The following CCDC6 variants were observed in gnomAD, a reference collection of about 807,000 sequenced individuals.
The protein encoded by CCDC6 is coiled-coil domain-containing protein 6.
CCDC6 carries 20 observed loss-of-function variants against 56.6 expected under a neutral mutation model. That is an observed-to-expected ratio of 0.35 (90% CI 0.25 to 0.51). The LOEUF is 0.51. Ranked by LOEUF, CCDC6 falls within the 20% of genes least tolerant of loss-of-function variation. The pLI is 0.95. For synonymous variants in CCDC6, 241 were observed against 234.4 expected (o/e 1.03, Z -0.26); for missense variants, 367 against 601.1 (o/e 0.61, Z 4.07).
At chr10:59,869,404 A>AC (rs2071206837) in intron 1 of CCDC6, among the ~76,000 whole-genome samples, 4 of 95,072 alleles carry the variant, frequency 4.2e-5, no homozygotes, top group South Asian at 7.3e-4. Flanking sequence ...AAAAAAAAAA[A>AC]AAAAAAAAAA....
chr10:59,881,380 TG>T (rs1423481646), intron 1 of CCDC6, among the ~76,000 whole-genome samples: 1 of 151,980 alleles, frequency 6.6e-6, no homozygotes, highest in African/African-American at 2.4e-5. Flanking sequence ...AAAAAGAAAC[TG>T]TTGGGGCTTC....
chr10:59,903,380 C>T (rs746739916), intron 1 of CCDC6, among the ~76,000 whole-genome samples: 4 of 151,982 alleles, frequency 2.6e-5, no homozygotes, highest in African/African-American at 9.7e-5. Context: ...AGGCTGTGCC[C>T]GTGTGAAGGC....
intron 3 of CCDC6, among the ~76,000 whole-genome samples, chr10:59,818,370 G>C (rs1023679902): frequency 2.0e-5 from 3 of 151,930 alleles, no homozygotes; most frequent in Non-Finnish European, 4.4e-5. Flanking sequence ...TGGGTTTGCT[G>C]TCCCAATTTG....
At chr10:59,826,169 A>C (rs2070786489) in intron 3 of CCDC6, among the ~76,000 whole-genome samples, 1 of 152,192 alleles carries the variant, frequency 6.6e-6, no homozygotes, top group African/African-American at 2.4e-5. Flanking sequence ...AGACAAGCCT[A>C]AACCCTCAAG....
chr10:59,812,342 T>G (rs536495683), intron 5 of CCDC6, among the ~76,000 whole-genome samples: 2 of 152,240 alleles, frequency 1.3e-5, no homozygotes, highest in South Asian at 4.1e-4. Flanking sequence ...AGCACAATCC[T>G]AGAGATAAAC....
chr10:59,802,369 A>G (rs1015944806), intron 7 of CCDC6, among the ~76,000 whole-genome samples: 4 of 152,258 alleles, frequency 2.6e-5, no homozygotes, highest in African/African-American at 4.8e-5. Flanking sequence ...CTATTCAAAC[A>G]GCATATTTCC....
rs950416664 is a variant in CCDC6, at chr10:59,791,690, G to A, written c.*1227C>T. ...CACTTTACTACCAAAGTACAAAACA[G>A]CAACTGCTGAAAAACAAAAATTAAG... is the stretch of plus-strand genomic sequence containing the variant. On this transcript the variant is annotated 3_prime_UTR_variant, in exon 9 of 9. Transcript: ENST00000263102. The A allele has an allele frequency of 9.9e-5, 21 of 211,358 alleles. No individual in the cohort carries two copies. Among genetic ancestry groups the A allele is most frequent in the African/African-American group, 3.9e-4 (17 of 44,140 alleles). The allele number at this position is 211,358 out of a possible 1,614,324, so 13.1% of individuals were successfully genotyped here.
In CCDC6 at chr10:59,814,699, T is replaced by C. The variant is rs141545336; in HGVS notation, c.639A>G (p.Leu213=). The C allele has an allele frequency of 9.7e-5, 157 of 1,613,744 alleles. 1 individual carries two copies. In the Middle Eastern group the frequency reaches 9.9e-4, roughly 10 times the overall value. ...ENTLEQEQEA[L]VNRLWKRMDK... ...CCATCCTTTTCCAGAGGCGATTAAC[T>C]AGTGCTTCTTGTTCTTGTTCCAATG... The change falls in exon 4 of 9, where the codon CTA becomes CTG. Residue 213 remains leucine (L), a synonymous_variant. Coordinates refer to ENST00000263102, the MANE Select transcript of CCDC6 (RefSeq NM_005436.5).
intron 3 of CCDC6, among the ~76,000 whole-genome samples, chr10:59,821,804 A>ATC (rs1418427189): frequency 7.2e-5 from 11 of 152,166 alleles, no homozygotes; most frequent in Admixed American, 7.2e-4. Flanking sequence ...AAAAATCAGA[A>ATC]AGAACTATAC....
intron 1 of CCDC6, among the ~76,000 whole-genome samples, chr10:59,898,006 A>G (rs1322645769): frequency 1.3e-5 from 2 of 152,248 alleles, no homozygotes; most frequent in African/African-American, 4.8e-5. Context: ...GATCTGGAAC[A>G]GATGCATGGA....
At chr10:59,890,617 T>G (rs2071414750) in intron 1 of CCDC6, among the ~76,000 whole-genome samples, 1 of 152,202 alleles carries the variant, frequency 6.6e-6, no homozygotes, top group African/African-American at 2.4e-5. Context: ...CTATGATCGC[T>G]TTTTAGAGAA....
intron 6 of CCDC6, chr10:59,805,585 T>A (rs2070614719): frequency 6.6e-6 from 1 of 152,198 alleles, no homozygotes; most frequent in Admixed American, 6.5e-5. Flanking sequence ...ATGATCTGTA[T>A]CTGAAGATAG....
intron 1 of CCDC6, among the ~76,000 whole-genome samples, chr10:59,893,615 A>C (rs1225617623): frequency 2.0e-5 from 3 of 148,530 alleles, no homozygotes; most frequent in African/African-American, 5.0e-5. Flanking sequence ...CAAACAAACA[A>C]ATACATACAT....
At chr10:59,843,839 C>T (rs1029825455) in intron 2 of CCDC6, among the ~76,000 whole-genome samples, 1 of 152,148 alleles carries the variant, frequency 6.6e-6, no homozygotes, top group Non-Finnish European at 1.5e-5. Context: ...AGCATGCAGC[C>T]CTTCATGATT....
chr10:59,905,985 C>G (rs2071542028), intron 1 of CCDC6, 137 bp downstream of exon 1: 1 of 736,108 alleles, frequency 1.4e-6, no homozygotes, highest in Non-Finnish European at 2.1e-6. Flanking sequence ...CGGAAGCCAG[C>G]AGGTCCCCGC....
At position 59,869,389 on chromosome 10, in the gene CCDC6, CAAAAAAAAAAAAAAAAAA is replaced by C. The variant is rs1167007522; in HGVS notation, c.304-16705_304-16688del. ...GCAGTGAGACATGGACTTGCTCAGGCAAAAAAAAAAAAAAAAAAAAAAAAAAAAAACAGAAAAAAGAAA... is the reference window on the plus strand; with the variant it reads ...GCAGTGAGACATGGACTTGCTCAGGCAAAAAAAAAAAACAGAAAAAAGAAA... On this transcript the variant is annotated intron_variant, in intron 1 of 8. Coordinates refer to ENST00000263102, the MANE Select transcript of CCDC6 (RefSeq NM_005436.5). Among the ~76,000 whole-genome samples the C allele has an allele frequency of 1.5e-3, 9 of 6,100 alleles. No homozygotes were observed. In the East Asian group the frequency reaches 0.047, roughly 32 times the overall value. 4.0% of individuals were successfully genotyped at this position (6,100 alleles called of 152,430 possible).
chr10:59,833,646 G>T (rs942935848), intron 2 of CCDC6, among the ~76,000 whole-genome samples: 2 of 144,468 alleles, frequency 1.4e-5, no homozygotes, highest in African/African-American at 2.5e-5. Flanking sequence ...CAACTGGGGG[G>T]GGGGGGGGTT....
intron 1 of CCDC6, among the ~76,000 whole-genome samples, chr10:59,869,389 C>CAAAAAAAAAAAA (rs1167007522): frequency 3.3e-4 from 2 of 6,100 alleles, no homozygotes; most frequent in African/African-American, 4.5e-4. Context: ...CTTGCTCAGG[C>CAAAAAAAAAAAA]AAAAAAAAAA....
chr10:59,853,939 G>A (rs1385991293), intron 1 of CCDC6, among the ~76,000 whole-genome samples: 1 of 152,126 alleles, frequency 6.6e-6, no homozygotes, highest in East Asian at 1.9e-4. Context: ...ATCTTTGAAG[G>A]AAATTAATCT....
Sources: gnomAD v4.1 joint callset for allele counts (sites outside exome capture counted in the v4.1 genomes callset) on GRCh38, gnomAD v4.1.1 for gene constraint, MANE v1.5 for transcripts, NCBI Gene and HGNC (gene_info 2026-07-23, HGNC 2026-07-21) for gene names.